The following NAALADL2 variants were observed in gnomAD, a reference collection of about 807,000 sequenced individuals.
The protein encoded by NAALADL2 is N-acetylated alpha-linked acidic dipeptidase like 2.
A neutral mutation model predicts 87.2 loss-of-function variants in NAALADL2; 76 were observed. The observed-to-expected ratio is 0.87, with a 90% confidence interval of 0.72 to 1.05. The LOEUF is 1.05. Ranked by LOEUF, NAALADL2 falls within the 50% of genes least tolerant of loss-of-function variation. NAALADL2 has a pLI of 0.00. For synonymous variants in NAALADL2, 354 were observed against 331.0 expected (o/e 1.07, Z -0.75); for missense variants, 1,089 against 945.8 (o/e 1.15, Z -1.99).
intron 11 of NAALADL2, among the ~76,000 whole-genome samples, chr3:175,644,462 C>T (rs1429709625): frequency 6.6e-6 from 1 of 151,902 alleles, no homozygotes. Flanking sequence ...TAGTTAGGGG[C>T]ACAATTTGCA....
rs1032060283 is a variant in NAALADL2 at position 175,256,504 on chromosome 3, T to G, written c.913T>G (p.Leu305Val). Reference protein sequence around the residue: ...NVTNQIALLKLGKLPLLYKLS... With the variant: ...NVTNQIALLKVGKLPLLYKLS... ...AACAAATCAGATCGCACTCCTGAAA[T>G]TAGGAAAATTGCCACTGCTTTATAA... The change falls in exon 4 of 14, where the codon TTA becomes GTA. Residue 305 changes from leucine (L) to valine (V), a missense_variant. Transcript: ENST00000454872. The G allele has an allele frequency of 1.9e-6, 3 of 1,612,444 alleles. No individual in the cohort carries two copies. In the African/African-American group the frequency reaches 4.0e-5, roughly 22 times the overall value.
chr3:175,381,812 C>A (rs944632240), intron 5 of NAALADL2, among the ~76,000 whole-genome samples: 20 of 152,124 alleles, frequency 1.3e-4, no homozygotes, highest in African/African-American at 4.8e-4. Context: ...CATTGTGGAG[C>A]AACAAGTGAC....
chr3:175,731,212 GT>G (rs1743694512), intron 11 of NAALADL2, among the ~76,000 whole-genome samples: 1 of 152,130 alleles, frequency 6.6e-6, no homozygotes, highest in South Asian at 2.1e-4. Flanking sequence ...ACTTGAGCAA[GT>G]TAACTAATCT....
intron 3 of NAALADL2, among the ~76,000 whole-genome samples, chr3:174,851,536 A>C (rs1056753466): frequency 2.6e-5 from 4 of 151,952 alleles, no homozygotes; most frequent in Admixed American, 6.6e-5. Flanking sequence ...ATAAATTCCT[A>C]GACATGTCCA....
intron 4 of NAALADL2, among the ~76,000 whole-genome samples, chr3:175,317,230 ACTTAG>A (rs1194081071): frequency 4.6e-5 from 7 of 151,904 alleles, no homozygotes; most frequent in African/African-American, 1.7e-4. Flanking sequence ...GATACTTTTG[ACTTAG>A]CTCTAAAACA....
chr3:175,068,167 T>C (rs1470997086), intron 1 of NAALADL2, among the ~76,000 whole-genome samples: 1 of 152,046 alleles, frequency 6.6e-6, no homozygotes, highest in Non-Finnish European at 1.5e-5. Flanking sequence ...TGTTGGGATC[T>C]TTTGAACCTG....
At chr3:175,605,269 C>G (rs903369937) in intron 10 of NAALADL2, among the ~76,000 whole-genome samples, 9 of 152,040 alleles carry the variant, frequency 5.9e-5, no homozygotes, top group Admixed American at 5.9e-4. Flanking sequence ...CATTTGTGCA[C>G]CTTGAAAGAA....
chr3:175,570,481 T>C (rs1717892856), intron 9 of NAALADL2, among the ~76,000 whole-genome samples: 1 of 152,174 alleles, frequency 6.6e-6, no homozygotes, highest in African/African-American at 2.4e-5. Context: ...TTGGTGTCAT[T>C]GTAATAATTG....
intron 11 of NAALADL2, among the ~76,000 whole-genome samples, chr3:175,736,608 A>G (rs893134213): frequency 1.3e-5 from 2 of 152,252 alleles, no homozygotes; most frequent in Admixed American, 1.3e-4. Flanking sequence ...GGCTACAGAT[A>G]TCAACATACA....
At chr3:175,441,045 G>GT (rs5854631) in intron 5 of NAALADL2, among the ~76,000 whole-genome samples, 6 of 151,712 alleles carry the variant, frequency 4.0e-5, no homozygotes, top group East Asian at 1.9e-4. Flanking sequence ...AGCAAATACA[G>GT]TTTTTTTTCT....
chr3:175,682,939 A>G (rs1158304164), intron 11 of NAALADL2, among the ~76,000 whole-genome samples: 1 of 152,058 alleles, frequency 6.6e-6, no homozygotes, highest in Non-Finnish European at 1.5e-5. Context: ...AACATATAAC[A>G]AAATTAAAAG....
chr3:175,408,798 C>A (rs1269235453), intron 5 of NAALADL2, among the ~76,000 whole-genome samples: 1 of 151,772 alleles, frequency 6.6e-6, no homozygotes, highest in Admixed American at 6.6e-5. Flanking sequence ...GAATGAATTA[C>A]TGTTAAAGGA....
At chr3:175,039,133 A>G (rs1446018302) in intron 1 of NAALADL2, among the ~76,000 whole-genome samples, 1 of 151,980 alleles carries the variant, frequency 6.6e-6, no homozygotes, top group East Asian at 1.9e-4. Flanking sequence ...CTCCTGGTTT[A>G]TTTTTTATAA....
chr3:174,834,493 G>A (rs1723107419), intron 3 of NAALADL2, among the ~76,000 whole-genome samples: 1 of 151,952 alleles, frequency 6.6e-6, no homozygotes, highest in African/African-American at 2.4e-5. Context: ...AATAGAGTTT[G>A]AAAAGAAGCA....
chr3:174,787,605 A>ATATATATATATATACG lies in NAALADL2; in HGVS notation c.-9+49873_-9+49874insCGTATATATATATATA, dbSNP rs1560225772. 1.6e-4 allele frequency among the ~76,000 whole-genome samples: 14 copies of ATATATATATATATACG among 89,250 alleles called. 1 individual carries two copies. The highest frequency in any genetic ancestry group is 2.4e-4 in the Non-Finnish European group (10 of 40,978). 58.6% of individuals were successfully genotyped at this position (89,250 alleles called of 152,430 possible). On this transcript the variant is annotated intron_variant, in intron 3 of 3. Transcript: ENST00000434257. ...TATATATATATATATATATATATATATATATATATATATATAGTAGTGACT... is the reference window on the plus strand; with the variant it reads ...TATATATATATATATATATATATATATATATATATATATACGTATATATATATATATAGTAGTGACT...
At chr3:175,648,948 A>T (rs889688140) in intron 11 of NAALADL2, among the ~76,000 whole-genome samples, 2 of 152,202 alleles carry the variant, frequency 1.3e-5, no homozygotes, top group Non-Finnish European at 2.9e-5. Context: ...GAAATAAAAA[A>T]TTAAGTGTTT....
chr3:174,676,058 CTAAT>C (rs1019384788), intron 2 of NAALADL2, among the ~76,000 whole-genome samples: 10 of 152,002 alleles, frequency 6.6e-5, no homozygotes, highest in African/African-American at 2.4e-4. Flanking sequence ...AAATTGTCAT[CTAAT>C]TATTGGATCA....
chr3:174,712,256 A>G (rs1730713084), intron 2 of NAALADL2, among the ~76,000 whole-genome samples: 1 of 152,010 alleles, frequency 6.6e-6, no homozygotes, highest in Admixed American at 6.6e-5. Context: ...ATTATTTAAT[A>G]ATTTCTAATG....
intron 11 of NAALADL2, among the ~76,000 whole-genome samples, chr3:175,662,537 C>T (rs568883037): frequency 8.6e-5 from 13 of 151,984 alleles, no homozygotes; most frequent in East Asian, 3.9e-4. Flanking sequence ...TGAGTAAAAG[C>T]GGTGAAAGTG....
Sources: allele counts gnomAD v4.1 joint callset (sites outside exome capture counted in the v4.1 genomes callset), GRCh38; gene constraint gnomAD v4.1.1; transcripts MANE v1.5; gene names NCBI Gene and HGNC (gene_info 2026-07-23, HGNC 2026-07-21).